The following CNKSR3 variants were observed in gnomAD, a reference collection of about 807,000 sequenced individuals.
The protein encoded by CNKSR3 is CNKSR family member 3, also known as connector enhancer of kinase suppressor of ras 3.
Under a neutral mutation model 67.7 loss-of-function variants are expected in CNKSR3, and 36 were observed. That is an observed-to-expected ratio of 0.53 (90% CI 0.41 to 0.70). The LOEUF (loss-of-function observed/expected upper bound fraction) is 0.70, where lower values mean the gene tolerates loss of function less well. Among genes scored for constraint, CNKSR3 ranks in the 30% least tolerant of loss-of-function variants. CNKSR3 has a pLI of 0.00. For missense variants in CNKSR3, 630 were observed against 695.2 expected (o/e 0.91, Z 1.05); for synonymous variants, 281 against 271.4 (o/e 1.04, Z -0.35).
Position 154,405,660 on chromosome 6 carries a change from T to C in CNKSR3, c.*694A>G, listed in dbSNP as rs1014014257. On this transcript the variant is annotated 3_prime_UTR_variant, in exon 13 of 13. Transcript: ENST00000607772. Reference sequence around the variant, plus strand: ...GCTTCTTTTCCCTTAAAGACAATAATATATAACAACACCACCCCACACAAA... The same window carrying C: ...GCTTCTTTTCCCTTAAAGACAATAACATATAACAACACCACCCCACACAAA... The C allele has an allele frequency of 1.3e-5, 2 of 152,238 alleles. No homozygotes were observed. The highest frequency in any genetic ancestry group is 2.9e-5 in the Non-Finnish European group (2 of 68,044). The allele number at this position is 152,238 out of a possible 1,614,324, so 9.4% of individuals were successfully genotyped here. A position where few individuals can be genotyped will look rare whatever the true frequency, so the allele number is the denominator to read the frequency against.
intron 1 of CNKSR3, among the ~76,000 whole-genome samples, chr6:154,466,967 G>T (rs1786216058): frequency 6.6e-6 from 1 of 151,888 alleles, no homozygotes. Context: ...ACCACTCCAA[G>T]GAAGAGAGCT....
chr6:154,476,996 T>C (rs986729583), intron 1 of CNKSR3, among the ~76,000 whole-genome samples: 3 of 152,320 alleles, frequency 2.0e-5, no homozygotes, highest in South Asian at 2.1e-4. Context: ...TCATATCAAT[T>C]CTCTCAGAAG....
In CNKSR3 at chr6:154,389,386, G is replaced by A. The variant is rs996964783; in HGVS notation, c.*16968C>T. ...ATGTATTCTTGGCACCATTGTTGAAGATCAGTTGACAATATACATGTGAAT... is the reference window on the plus strand; with the variant it reads ...ATGTATTCTTGGCACCATTGTTGAAAATCAGTTGACAATATACATGTGAAT... On this transcript the variant is annotated 3_prime_UTR_variant, in exon 13 of 13. Coordinates refer to ENST00000607772, the MANE Select transcript of CNKSR3 (RefSeq NM_173515.4). 4 of 152,412 alleles carry A rather than the reference G, an allele frequency of 2.6e-5. No homozygotes were observed. The highest frequency in any genetic ancestry group is 9.7e-5 in the African/African-American group (4 of 41,438). The allele number at this position is 152,412 out of a possible 1,614,324, so 9.4% of individuals were successfully genotyped here.
chr6:154,467,293 C>A (rs4538720), intron 1 of CNKSR3, among the ~76,000 whole-genome samples: 80,004 of 151,910 alleles, frequency 0.53, 23,241 homozygotes, highest in African/African-American at 0.79. Context: ...TCTGCTTGGG[C>A]GTCCTAAAAG....
At chr6:154,466,405 C>A (rs1478494816) in intron 1 of CNKSR3, among the ~76,000 whole-genome samples, 1 of 152,122 alleles carries the variant, frequency 6.6e-6, no homozygotes, top group South Asian at 2.1e-4. Flanking sequence ...CACAGAAACA[C>A]GCACAAGCAT....
intron 3 of CNKSR3, 139 bp downstream of exon 3, chr6:154,441,949 T>C: frequency 1.4e-6 from 1 of 713,930 alleles, no homozygotes; most frequent in Non-Finnish European, 2.2e-6. Flanking sequence ...AATCTACCAC[T>C]GATCGAGGAC....
intron 1 of CNKSR3, among the ~76,000 whole-genome samples, chr6:154,484,592 C>T (rs1213224473): frequency 1.3e-5 from 2 of 151,256 alleles, no homozygotes; most frequent in African/African-American, 4.9e-5. Flanking sequence ...ATCCCAGCTA[C>T]TCAGGAGGCT....
At chr6:154,459,150 G>C (rs1786024301) in intron 1 of CNKSR3, among the ~76,000 whole-genome samples, 1 of 151,352 alleles carries the variant, frequency 6.6e-6, no homozygotes, top group Non-Finnish European at 1.5e-5. Flanking sequence ...AAGAAAGAAA[G>C]AAAGGAAAGA....
rs368902487 is a variant in CNKSR3 at position 154,405,108 on chromosome 6, T to A, written c.*1246A>T. 1.3e-4 allele frequency: 20 copies of A among 152,280 alleles called. No individual in the cohort carries two copies. The highest frequency in any genetic ancestry group is 4.8e-4 in the African/African-American group (20 of 41,420). The allele number at this position is 152,280 out of a possible 1,614,324, so 9.4% of individuals were successfully genotyped here. A position where few individuals can be genotyped will look rare whatever the true frequency, so the allele number is the denominator to read the frequency against. On this transcript the variant is annotated 3_prime_UTR_variant, in exon 13 of 13. Coordinates refer to ENST00000607772, the MANE Select transcript of CNKSR3 (RefSeq NM_173515.4). ...CGTGCAATTTCACTTTGCATATGCT[T>A]CTCCTGTTCTTCCATTTCTAATCCA...
chr6:154,498,965 T>TC (rs897980592), intron 1 of CNKSR3, among the ~76,000 whole-genome samples: 4 of 152,202 alleles, frequency 2.6e-5, no homozygotes, highest in African/African-American at 9.7e-5. Context: ...GCTCCCCTAT[T>TC]CGAGTCAGGT....
chr6:154,509,954 CCCTCA>C, intron 1 of CNKSR3, 104 bp downstream of exon 1: 1 of 1,193,034 alleles, frequency 8.4e-7, no homozygotes, highest in Non-Finnish European at 1.2e-6. Context: ...CCGGGCTGTG[CCCTCA>C]CCGCTTCTCG....
At chr6:154,417,322 A>C (rs951107673) in intron 9 of CNKSR3, among the ~76,000 whole-genome samples, 3 of 152,216 alleles carry the variant, frequency 2.0e-5, no homozygotes, top group Non-Finnish European at 4.4e-5. Flanking sequence ...ACAGCTAGTA[A>C]GTGGCAGAGC....
At chr6:154,465,510 G>T (rs9478548) in intron 1 of CNKSR3, among the ~76,000 whole-genome samples, 1 of 151,792 alleles carries the variant, frequency 6.6e-6, no homozygotes, top group Non-Finnish European at 1.5e-5. Context: ...CTGGAGCTGA[G>T]GAACTGAGGC....
intron 1 of CNKSR3, among the ~76,000 whole-genome samples, chr6:154,487,234 G>A (rs1056870621): frequency 5.3e-5 from 8 of 152,262 alleles, no homozygotes; most frequent in South Asian, 2.1e-4. Context: ...AAACTACCCC[G>A]TTGGAAGATG....
intron 1 of CNKSR3, among the ~76,000 whole-genome samples, chr6:154,456,624 T>C (rs567296351): frequency 4.9e-5 from 7 of 143,942 alleles, no homozygotes; most frequent in African/African-American, 1.5e-4. Context: ...GGAGAATCAG[T>C]TGAACCTGGG....
intron 1 of CNKSR3, among the ~76,000 whole-genome samples, chr6:154,461,798 CAG>C (rs1377049076): frequency 4.6e-5 from 7 of 152,218 alleles, no homozygotes; most frequent in Non-Finnish European, 1.0e-4. Context: ...CAATAATAGG[CAG>C]AGTCAGGATT....
intron 1 of CNKSR3, among the ~76,000 whole-genome samples, chr6:154,466,315 G>A (rs1209919174): frequency 6.6e-6 from 1 of 152,206 alleles, no homozygotes; most frequent in African/African-American, 2.4e-5. Context: ...TGGCTTGTAA[G>A]TAGAGAAGGG....
rs1784749922 is a variant in CNKSR3 at position 154,404,346 on chromosome 6, C to T, written c.*2008G>A. On this transcript the variant is annotated 3_prime_UTR_variant, in exon 13 of 13. Coordinates refer to ENST00000607772, the MANE Select transcript of CNKSR3 (RefSeq NM_173515.4). The stretch of plus-strand genomic sequence containing the variant: ...TCCCGAGTAGCTGGGACTACAGGTG[C>T]CCACCACCATGCGAAGCTGATTTTT... 4 of 152,546 alleles carry T rather than the reference C, an allele frequency of 2.6e-5. No homozygotes were observed. In the South Asian group the frequency reaches 6.2e-4, roughly 24 times the overall value. 9.4% of individuals were successfully genotyped at this position (152,546 alleles called of 1,614,324 possible). A position where few individuals can be genotyped will look rare whatever the true frequency, so the allele number is the denominator to read the frequency against.
intron 1 of CNKSR3, among the ~76,000 whole-genome samples, chr6:154,462,731 G>A (rs1786106941): frequency 6.6e-6 from 1 of 152,148 alleles, no homozygotes; most frequent in Non-Finnish European, 1.5e-5. Flanking sequence ...CATCTGCAGG[G>A]AGGCTTCAGC....
Sources: gnomAD v4.1 joint callset for allele counts (sites outside exome capture counted in the v4.1 genomes callset) on GRCh38, gnomAD v4.1.1 for gene constraint, MANE v1.5 for transcripts, NCBI Gene and HGNC (gene_info 2026-07-23, HGNC 2026-07-21) for gene names.